CYTH3: variants seen among roughly 807,000 people sequenced by gnomAD.
The protein encoded by CYTH3 is cytohesin-3.
A neutral mutation model predicts 55.1 loss-of-function variants in CYTH3; 23 were observed. The ratio of observed to expected loss-of-function variants is 0.42; its 90% CI spans 0.30 to 0.59. The LOEUF (loss-of-function observed/expected upper bound fraction) is 0.59, where lower values mean the gene tolerates loss of function less well. CYTH3 is among the 20% of genes least tolerant of loss of function. The pLI, the probability that CYTH3 is intolerant of heterozygous loss-of-function variation, is 0.20. For synonymous variants in CYTH3, 249 were observed against 194.9 expected, an observed-to-expected ratio of 1.28 and a Z score of -2.31; for missense variants, 413 against 524.8, an observed-to-expected ratio of 0.79 and a Z score of 2.08.
chr7:6,244,881 C>T (rs1473442002), intron 1 of CYTH3, among the ~76,000 whole-genome samples: 5 of 148,558 alleles, frequency 3.4e-5, no homozygotes, highest in Non-Finnish European at 5.9e-5. Flanking sequence ...CTCTGCCTCC[C>T]GGGTTCACGC....
At position 6,162,274 on chromosome 7, in the gene CYTH3, GGCCA is replaced by G. The variant is rs1247422483; in HGVS notation, c.*2666_*2669del. 6.6e-6 allele frequency: 1 copy of G among 152,266 alleles called. No individual in the cohort carries two copies. Among genetic ancestry groups the G allele is most frequent in the Non-Finnish European group, 1.5e-5 (1 of 68,052 alleles). 9.4% of individuals were successfully genotyped at this position (152,266 alleles called of 1,614,324 possible). A position where few individuals can be genotyped will look rare whatever the true frequency, so the allele number is the denominator to read the frequency against. ...ATTAAACTCAAATATGAACCAGGGCGGCCAGCAAGACAGGCTGGAAGGGCTGTGG... is the reference window on the plus strand; with the variant it reads ...ATTAAACTCAAATATGAACCAGGGCGGCAAGACAGGCTGGAAGGGCTGTGG... On this transcript the variant is annotated 3_prime_UTR_variant, in exon 13 of 13. Transcript: ENST00000350796.
At chr7:6,253,453 C>T (rs904590281) in intron 1 of CYTH3, among the ~76,000 whole-genome samples, 1 of 152,098 alleles carries the variant, frequency 6.6e-6, no homozygotes, top group African/African-American at 2.4e-5. Context: ...AAGTGATCCG[C>T]CTGCCTCGGC....
At chr7:6,238,723 C>T (rs1052734416) in intron 1 of CYTH3, among the ~76,000 whole-genome samples, 1 of 152,052 alleles carries the variant, frequency 6.6e-6, no homozygotes, top group South Asian at 2.1e-4. Flanking sequence ...GTAGGTTCAT[C>T]GACTGTAACA....
chr7:6,229,642 T>A (rs191396468), intron 1 of CYTH3, among the ~76,000 whole-genome samples: 237 of 138,026 alleles, frequency 1.7e-3, no homozygotes, highest in African/African-American at 6.0e-3. Flanking sequence ...AAACCCCGTC[T>A]CTACTGAAAA....
At chr7:6,194,431 C>T (rs912127488) in intron 1 of CYTH3, among the ~76,000 whole-genome samples, 5 of 152,020 alleles carry the variant, frequency 3.3e-5, no homozygotes, top group Non-Finnish European at 5.9e-5. Flanking sequence ...GGTGACAGAG[C>T]GAGACTCCCA....
chr7:6,164,568 G>A lies in CYTH3; in HGVS notation c.*376C>T, dbSNP rs950138479. ...AATGAGGCTCCCGTCTGTGGAATCC[G>A]TCCCGTGTCTGCTGTGGAGACAGCG... On this transcript the variant is annotated 3_prime_UTR_variant, in exon 13 of 13. Transcript: ENST00000350796. The A allele has an allele frequency of 3.1e-5, 8 of 255,660 alleles. No homozygotes were observed. In the South Asian group the frequency reaches 4.5e-4, roughly 14 times the overall value. 15.8% of individuals were successfully genotyped at this position (255,660 alleles called of 1,614,324 possible). A position where few individuals can be genotyped will look rare whatever the true frequency, so the allele number is the denominator to read the frequency against.
At chr7:6,248,647 C>T (rs1408679483) in intron 1 of CYTH3, among the ~76,000 whole-genome samples, 1 of 152,190 alleles carries the variant, frequency 6.6e-6, no homozygotes, top group Non-Finnish European at 1.5e-5. Context: ...CTGCACAAGC[C>T]CACCCCGGCT....
chr7:6,216,185 C>T (rs948101800), intron 1 of CYTH3, among the ~76,000 whole-genome samples: 25 of 152,038 alleles, frequency 1.6e-4, no homozygotes, highest in Admixed American at 1.3e-3. Flanking sequence ...TCACGTTTCA[C>T]GGTTGAGGCA....
chr7:6,231,783 T>C (rs1055163493), intron 1 of CYTH3, among the ~76,000 whole-genome samples: 4 of 152,200 alleles, frequency 2.6e-5, no homozygotes, highest in Admixed American at 6.5e-5. Context: ...CCATTTATAA[T>C]TGGAAAATTG....
Position 6,162,088 on chromosome 7 carries a change from T to C in CYTH3, c.*2856A>G, listed in dbSNP as rs746428376. ...GCATATCTATGTAGATATCTGCGTT[T>C]GTAACTTTAAAAATAGGCATTGCTT... On this transcript the variant is annotated 3_prime_UTR_variant, in exon 13 of 13. Transcript: ENST00000350796. 1 of 152,692 alleles carries C rather than the reference T, an allele frequency of 6.5e-6. No individual in the cohort carries two copies. The highest frequency in any genetic ancestry group is 1.5e-5 in the Non-Finnish European group (1 of 68,048). 9.5% of individuals were successfully genotyped at this position (152,692 alleles called of 1,614,324 possible). A position where few individuals can be genotyped will look rare whatever the true frequency, so the allele number is the denominator to read the frequency against.
chr7:6,191,121 T>C (rs535076130), intron 1 of CYTH3, among the ~76,000 whole-genome samples: 33 of 150,950 alleles, frequency 2.2e-4, no homozygotes, highest in African/African-American at 7.8e-4. Context: ...TCTATCAATA[T>C]GGATGAGTCT....
At chr7:6,249,493 C>A (rs1779905762) in intron 1 of CYTH3, among the ~76,000 whole-genome samples, 1 of 152,218 alleles carries the variant, frequency 6.6e-6, no homozygotes, top group East Asian at 1.9e-4. Flanking sequence ...CCTTTGAATT[C>A]TCCTTATTTG....
intron 1 of CYTH3, among the ~76,000 whole-genome samples, chr7:6,272,257 C>G (rs1019552704): frequency 1.3e-5 from 2 of 151,542 alleles, no homozygotes; most frequent in Admixed American, 6.6e-5. Flanking sequence ...CCCTCGCCAG[C>G]GCCGAACGGC....
At position 6,259,773 on chromosome 7, in the gene CYTH3, T is replaced by TATATA. The variant is rs1780259241; in HGVS notation, c.34+12696_34+12700dup. ...ATATATATATTATATATATATATATTATATATATATAATATATATATATAT... is the reference window on the plus strand; with the variant it reads ...ATATATATATTATATATATATATATTATATAATATATATATAATATATATATATAT... On this transcript the variant is annotated intron_variant, in intron 1 of 12. Coordinates refer to ENST00000350796, the MANE Select transcript of CYTH3 (RefSeq NM_004227.4). 1.3e-4 allele frequency among the ~76,000 whole-genome samples: 3 copies of TATATA among 22,298 alleles called. 1 individual carries two copies. The South Asian group carries it at 4.5e-3, about 33-fold the overall frequency. 14.6% of individuals were successfully genotyped at this position (22,298 alleles called of 152,430 possible).
At chr7:6,191,487 C>G (rs1319916840) in intron 1 of CYTH3, among the ~76,000 whole-genome samples, 1 of 151,176 alleles carries the variant, frequency 6.6e-6, no homozygotes, top group African/African-American at 2.4e-5. Context: ...TATTTTCAAT[C>G]AATTACAAGT....
intron 1 of CYTH3, among the ~76,000 whole-genome samples, chr7:6,249,427 C>T (rs1779904521): frequency 6.6e-6 from 1 of 152,190 alleles, no homozygotes; most frequent in Non-Finnish European, 1.5e-5. Context: ...ACAAGAGGAA[C>T]AGGAAAGGAC....
rs1198030690 is a variant in CYTH3 at position 6,161,845 on chromosome 7, C to T, written c.*3099G>A. ...CTGCAAGAGCTCTGACAGCCATCCA[C>T]CCTCCAATCTTACTTCACTTTACAA... On this transcript the variant is annotated 3_prime_UTR_variant, in exon 13 of 13. Transcript: ENST00000350796. The T allele has an allele frequency of 6.6e-6, 1 of 152,590 alleles. No homozygotes were observed. The highest frequency in any genetic ancestry group is 2.4e-5 in the African/African-American group (1 of 41,454). 9.5% of individuals were successfully genotyped at this position (152,590 alleles called of 1,614,324 possible). A position where few individuals can be genotyped will look rare whatever the true frequency, so the allele number is the denominator to read the frequency against.
At chr7:6,224,465 C>G (rs1157211433) in intron 1 of CYTH3, among the ~76,000 whole-genome samples, 2 of 152,166 alleles carry the variant, frequency 1.3e-5, no homozygotes, top group Non-Finnish European at 1.5e-5. Context: ...GGTCTAGACC[C>G]CTACCTTATG....
intron 1 of CYTH3, among the ~76,000 whole-genome samples, chr7:6,225,700 A>G (rs1334193958): frequency 3.3e-5 from 5 of 150,002 alleles, no homozygotes; most frequent in Non-Finnish European, 7.4e-5. Flanking sequence ...TTTTTTGGAA[A>G]TGGAGTTCCA....
Sources: allele counts gnomAD v4.1 joint callset (sites outside exome capture counted in the v4.1 genomes callset), GRCh38; gene constraint gnomAD v4.1.1; transcripts MANE v1.5; gene names NCBI Gene and HGNC (gene_info 2026-07-23, HGNC 2026-07-21).